Variants in METTL15 observed in about 807,000 individuals in gnomAD.
METTL15 encodes the protein 12S rRNA N(4)-cytidine methyltransferase METTL15.
In METTL15, 34 loss-of-function variants were observed where a neutral mutation model predicts 38.3. The observed-to-expected ratio is 0.89, with a 90% CI of 0.68 to 1.18. The LOEUF is 1.18. Among genes scored for constraint, METTL15 ranks in the 50% most tolerant of loss-of-function variants. The probability of loss-of-function intolerance (pLI) is 0.00; values close to 1 mark genes in which losing one functional copy is unlikely to be tolerated. For missense variants in METTL15, 438 were observed against 498.4 expected (o/e 0.88, Z 1.15); for synonymous variants, 162 against 170.9 (o/e 0.95, Z 0.41).
intron 4 of METTL15, among the ~76,000 whole-genome samples, chr11:28,271,781 G>T (rs542726910): frequency 5.1e-4 from 77 of 152,082 alleles, no homozygotes; most frequent in Admixed American, 7.2e-4. Flanking sequence ...GAGTGAACAG[G>T]CAACCTACAG....
chr11:28,183,381 A>G (rs1183022170), intron 3 of METTL15, among the ~76,000 whole-genome samples: 2 of 152,064 alleles, frequency 1.3e-5, no homozygotes, highest in East Asian at 3.9e-4. Context: ...TCCATATGAT[A>G]CTGGCTGTGG....
intron 5 of METTL15, among the ~76,000 whole-genome samples, chr11:28,371,877 A>G (rs1001550098): frequency 6.6e-5 from 10 of 152,068 alleles, no homozygotes. Flanking sequence ...ATCAGTTCTA[A>G]CAATTTTTTG....
intron 5 of METTL15, among the ~76,000 whole-genome samples, chr11:28,415,937 G>C (rs1850768701): frequency 6.6e-6 from 1 of 152,112 alleles, no homozygotes; most frequent in Admixed American, 6.5e-5. Context: ...AATTTGTGGG[G>C]CCTGAGATAA....
intron 6 of METTL15, among the ~76,000 whole-genome samples, chr11:28,524,039 G>T (rs1054158763): frequency 2.5e-4 from 38 of 152,238 alleles, no homozygotes; most frequent in Admixed American, 1.8e-3. Context: ...TGGTGTTGGG[G>T]TTGAAAAATT....
intron 3 of METTL15, among the ~76,000 whole-genome samples, chr11:28,132,640 A>G (rs1316162261): frequency 6.6e-6 from 1 of 152,136 alleles, no homozygotes; most frequent in Non-Finnish European, 1.5e-5. Flanking sequence ...TATTTACCCT[A>G]CAGTGAATTT....
At chr11:28,298,175 C>T (rs2134004387) in intron 6 of METTL15, among the ~76,000 whole-genome samples, 1 of 151,982 alleles carries the variant, frequency 6.6e-6, no homozygotes, top group Non-Finnish European at 1.5e-5. Context: ...GTGTGTATAC[C>T]AGCATGCCGA....
intron 4 of METTL15, among the ~76,000 whole-genome samples, chr11:28,219,057 G>T (rs1185898771): frequency 6.6e-6 from 1 of 152,140 alleles, no homozygotes; most frequent in African/African-American, 2.4e-5. Flanking sequence ...TTGGTATCAG[G>T]ATGATGCTGG....
intron 4 of METTL15, among the ~76,000 whole-genome samples, chr11:28,277,463 C>T (rs192932455): frequency 1.7e-3 from 262 of 152,052 alleles, no homozygotes; most frequent in South Asian, 6.7e-3. Context: ...TTTGGGAGGC[C>T]GAAGCGGGCA....
intron 4 of METTL15, among the ~76,000 whole-genome samples, chr11:28,283,411 C>T (rs1856129691): frequency 6.6e-6 from 1 of 152,098 alleles, no homozygotes; most frequent in Non-Finnish European, 1.5e-5. Flanking sequence ...ACAGGATGCC[C>T]AACCTTGTGA....
At chr11:28,131,810 C>G (rs184612477) in intron 3 of METTL15, among the ~76,000 whole-genome samples, 1 of 152,256 alleles carries the variant, frequency 6.6e-6, no homozygotes, top group East Asian at 1.9e-4. Context: ...CAGATTACTT[C>G]TAATGATCCT....
At position 28,408,028 on chromosome 11, in the gene METTL15, C is replaced by G. The variant is rs560201205; in HGVS notation, c.*359-16271C>G. Among the ~76,000 whole-genome samples the G allele has an allele frequency of 5.3e-5, 8 of 152,178 alleles. No homozygotes were observed. In the South Asian group the frequency reaches 1.7e-3, roughly 32 times the overall value. On this transcript the variant is annotated intron_variant and NMD_transcript_variant, in intron 5 of 7. Coordinates refer to the METTL15 transcript ENST00000532947. ...CAGGGACATGGATGGAGCTTGGAAG[C>G]CATTATCTTCAGCAAACTAATTCAG...
chr11:28,130,201 T>C (rs1164893055), intron 3 of METTL15, among the ~76,000 whole-genome samples: 1 of 151,960 alleles, frequency 6.6e-6, no homozygotes, highest in African/African-American at 2.4e-5. Flanking sequence ...GTCCCAGTTA[T>C]TCGAGAGGCT....
chr11:28,386,735 C>T (rs1458709895), intron 5 of METTL15, among the ~76,000 whole-genome samples: 1 of 151,974 alleles, frequency 6.6e-6, no homozygotes, highest in South Asian at 2.1e-4. Flanking sequence ...ATATATAACA[C>T]TGTACCCAAT....
chr11:28,389,456 T>C (rs1156924025), intron 5 of METTL15, among the ~76,000 whole-genome samples: 6 of 143,472 alleles, frequency 4.2e-5, no homozygotes, highest in African/African-American at 5.1e-5. Flanking sequence ...TGTTCAATTC[T>C]CATCTATGAG....
chr11:28,170,404 G>T lies in METTL15; in HGVS notation c.271-40658G>T, dbSNP rs1850815143. Among the ~76,000 whole-genome samples, 3 of 152,088 alleles carry T rather than the reference G, an allele frequency of 2.0e-5. No homozygotes were observed. The South Asian group carries it at 6.2e-4, about 32-fold the overall frequency. ...ATCTCAATCCAGACCCCAAGAGAGG[G>T]TTCTTGGACCTTGTGTAAAAACAAT... On this transcript the variant is annotated intron_variant, in intron 3 of 6. Coordinates refer to ENST00000407364, the MANE Select transcript of METTL15 (RefSeq NM_001113528.2).
chr11:28,205,569 G>A (rs761525872), intron 3 of METTL15, among the ~76,000 whole-genome samples: 7 of 152,106 alleles, frequency 4.6e-5, no homozygotes, highest in African/African-American at 9.6e-5. Flanking sequence ...ATAAACATAC[G>A]TGTGCATGTG....
At chr11:28,323,892 A>G (rs1849550323) in intron 6 of METTL15, among the ~76,000 whole-genome samples, 1 of 152,172 alleles carries the variant, frequency 6.6e-6, no homozygotes, top group Non-Finnish European at 1.5e-5. Flanking sequence ...CTTGTTAACA[A>G]TTTTCTTTCA....
chr11:28,409,244 G>T (rs1258357450), intron 5 of METTL15, among the ~76,000 whole-genome samples: 5 of 151,578 alleles, frequency 3.3e-5, no homozygotes, highest in African/African-American at 9.7e-5. Context: ...TAGCCTGGCG[G>T]GGTGACAGGC....
chr11:28,489,757 G>A (rs892451057), intron 6 of METTL15, among the ~76,000 whole-genome samples: 2 of 152,082 alleles, frequency 1.3e-5, no homozygotes, highest in Non-Finnish European at 2.9e-5. Context: ...AGGTTCGTCA[G>A]CTATATTGTG....
Sources: allele counts gnomAD v4.1 joint callset (sites outside exome capture counted in the v4.1 genomes callset), GRCh38; gene constraint gnomAD v4.1.1; transcripts MANE v1.5; gene names NCBI Gene and HGNC (gene_info 2026-07-23, HGNC 2026-07-21).